Variants in BCAS3 observed in about 807,000 individuals in gnomAD.
BCAS3 encodes BCAS3 microtubule associated cell migration factor.
BCAS3 carries 53 observed loss-of-function variants against 116.1 expected under a neutral mutation model. The observed-to-expected ratio is 0.46, with a 90% CI of 0.37 to 0.57. BCAS3 has a LOEUF of 0.57. Among genes scored for constraint, BCAS3 ranks in the 20% least tolerant of loss-of-function variants. The pLI, the probability that BCAS3 is intolerant of heterozygous loss-of-function variation, is 0.00. For synonymous variants in BCAS3, 391 were observed against 408.2 expected, an observed-to-expected ratio of 0.96 and a Z score of 0.51; for missense variants, 917 against 1,165.4, an observed-to-expected ratio of 0.79 and a Z score of 3.10.
intron 5 of BCAS3, among the ~76,000 whole-genome samples, chr17:60,725,925 C>T (rs867383437): frequency 4.1e-4 from 62 of 151,892 alleles, no homozygotes; most frequent in African/African-American, 1.3e-3. Flanking sequence ...GACGGAGTTT[C>T]GCTCTTGTTG....
chr17:61,034,617 T>C lies in BCAS3; in HGVS notation c.1638-49T>C. The C allele has an allele frequency of 6.6e-7, 1 of 1,517,288 alleles. No individual in the cohort carries two copies. The highest frequency in any genetic ancestry group is 9.0e-7 in the Non-Finnish European group (1 of 1,106,382). The allele number at this position is 1,517,288 out of a possible 1,614,324, so 94.0% of individuals were successfully genotyped here. ...GAAAAACTGTCATTACCTAAAGGAG[T>C]ATCATTTCATCATGATAATTGTTTT... is the stretch of plus-strand genomic sequence containing the variant. On this transcript the variant is annotated intron_variant, in intron 16 of 23. Transcript: ENST00000407086. This position sits in a 1 kb window ranked among gnomAD's most constrained non-coding sequence, Gnocchi z 5.0.
intron 4 of BCAS3, among the ~76,000 whole-genome samples, chr17:60,700,173 C>CAAAAAAAAA (rs531616609): frequency 6.6e-5 from 8 of 121,596 alleles, no homozygotes; most frequent in African/African-American, 3.5e-4. Flanking sequence ...GACCCTGTCT[C>CAAAAAAAAA]AAAAAAAAAA....
At chr17:60,863,520 G>A (rs549900057) in intron 7 of BCAS3, among the ~76,000 whole-genome samples, 1 of 152,034 alleles carries the variant, frequency 6.6e-6, no homozygotes, top group Non-Finnish European at 1.5e-5. Context: ...GGTAAGGTGG[G>A]GGGCTTGCTT....
At chr17:61,133,881 A>AAAG (rs1260778120) in intron 22 of BCAS3, among the ~76,000 whole-genome samples, 3 of 151,400 alleles carry the variant, frequency 2.0e-5, no homozygotes, top group Non-Finnish European at 4.4e-5. Context: ...AAAAAAAAAA[A>AAAG]AGGAAACCCA....
intron 7 of BCAS3, chr17:60,851,572 A>G (rs1239024959): frequency 3.2e-6 from 2 of 625,168 alleles, no homozygotes; most frequent in African/African-American, 3.7e-5. Flanking sequence ...TTTCTACCCA[A>G]AACTTGGGTT....
Position 61,126,816 on chromosome 17 carries a change from A to T in BCAS3, c.2425+42252A>T, listed in dbSNP as rs76230811. On this transcript the variant is annotated intron_variant, in intron 22 of 23. Coordinates refer to ENST00000407086, the MANE Select transcript of BCAS3 (RefSeq NM_017679.5). This position sits in a 1 kb window ranked among gnomAD's most constrained non-coding sequence, Gnocchi z 4.6. ...TTTGGTCTCTCTTAACTCTTTCACG[A>T]CTAGGGGATTTTTCTTTGTGGGAAA... Among the ~76,000 whole-genome samples, 41 of 152,282 alleles carry T rather than the reference A, an allele frequency of 2.7e-4. No individual in the cohort carries two copies. In the East Asian group the frequency reaches 7.5e-3, roughly 28 times the overall value.
At chr17:60,969,323 TG>T (rs1288264689) in intron 14 of BCAS3, among the ~76,000 whole-genome samples, 1 of 152,182 alleles carries the variant, frequency 6.6e-6, no homozygotes, top group African/African-American at 2.4e-5. Flanking sequence ...AAGGAAAATA[TG>T]CTTCTTTTAA....
chr17:60,843,319 C>T (rs140767126), intron 7 of BCAS3, among the ~76,000 whole-genome samples: 139 of 151,458 alleles, frequency 9.2e-4, no homozygotes, highest in African/African-American at 3.2e-3. Flanking sequence ...CGTGTTCAAG[C>T]GATTCTTCTG....
chr17:60,776,753 CG>C, intron 6 of BCAS3, among the ~76,000 whole-genome samples: 1 of 149,790 alleles, frequency 6.7e-6, no homozygotes, highest in South Asian at 2.1e-4. Context: ...TGGTTGCTCA[CG>C]CATGTAATCC....
intron 10 of BCAS3, among the ~76,000 whole-genome samples, chr17:60,891,369 T>C (rs1168220088): frequency 6.6e-6 from 1 of 152,232 alleles, no homozygotes; most frequent in Non-Finnish European, 1.5e-5. Context: ...ACCAGTTGTT[T>C]TCCCTCTTCA....
chr17:61,156,379 A>G lies in BCAS3; in HGVS notation c.2425+71815A>G, dbSNP rs995155206. Among the ~76,000 whole-genome samples the G allele has an allele frequency of 6.6e-6, 1 of 152,074 alleles. No homozygotes were observed. Among genetic ancestry groups the G allele is most frequent in the Non-Finnish European group, 1.5e-5 (1 of 67,988 alleles). ...CGGGAGAAAGGTGGACTTTTGTTTT[A>G]TCTTGTTTCTTTTGGGGGAAACTTA... On this transcript the variant is annotated intron_variant, in intron 22 of 23. Coordinates refer to ENST00000407086, the MANE Select transcript of BCAS3 (RefSeq NM_017679.5). The surrounding 1 kb of genome is among the most constrained non-coding windows in gnomAD (Gnocchi z 4.7).
At chr17:61,048,107 G>A (rs996197692) in intron 19 of BCAS3, among the ~76,000 whole-genome samples, 5 of 151,898 alleles carry the variant, frequency 3.3e-5, no homozygotes, top group African/African-American at 1.2e-4. Context: ...AACTTTAAAA[G>A]GAATATGAGA....
intron 6 of BCAS3, among the ~76,000 whole-genome samples, chr17:60,761,437 A>G (rs182965520): frequency 7.4e-6 from 1 of 135,798 alleles, no homozygotes; most frequent in South Asian, 2.1e-4. Flanking sequence ...TGTTCCACCT[A>G]TGAGTGAGAA....
At position 61,124,868 on chromosome 17, in the gene BCAS3, T is replaced by A. The variant is rs923764171; in HGVS notation, c.2425+40304T>A. ...AGTGACAGAGAAATCCTTTGTTTATTCATTTAGTAGGCAGATTAACCCTAA... is the reference window on the plus strand; with the variant it reads ...AGTGACAGAGAAATCCTTTGTTTATACATTTAGTAGGCAGATTAACCCTAA... On this transcript the variant is annotated intron_variant, in intron 22 of 23. Transcript: ENST00000407086. This position sits in a 1 kb window ranked among gnomAD's most constrained non-coding sequence, Gnocchi z 4.6. Among the ~76,000 whole-genome samples the A allele has an allele frequency of 1.3e-5, 2 of 152,182 alleles. No homozygotes were observed. Among genetic ancestry groups the A allele is most frequent in the African/African-American group, 4.8e-5 (2 of 41,440 alleles).
rs901007781 is a variant in BCAS3, at chr17:61,031,191, A to C, written c.1638-3475A>C. On this transcript the variant is annotated intron_variant, in intron 16 of 23. Coordinates refer to ENST00000407086, the MANE Select transcript of BCAS3 (RefSeq NM_017679.5). ...ATGTTGAGAACAAGAGAGAAAAAAAAGGTTAGCATTGGAGTGCTTTCCTAT... is the reference window on the plus strand; with the variant it reads ...ATGTTGAGAACAAGAGAGAAAAAAACGGTTAGCATTGGAGTGCTTTCCTAT... Among the ~76,000 whole-genome samples, 48 of 152,174 alleles carry C rather than the reference A, an allele frequency of 3.2e-4. 1 individual carries two copies. The highest frequency in any genetic ancestry group is 1.1e-3 in the African/African-American group (46 of 41,556).
intron 22 of BCAS3, among the ~76,000 whole-genome samples, chr17:61,086,226 C>A (rs1192305982): frequency 6.6e-6 from 1 of 152,170 alleles, no homozygotes; most frequent in Non-Finnish European, 1.5e-5. Flanking sequence ...GTAGCTGAGA[C>A]TACAGGCACC....
intron 22 of BCAS3, among the ~76,000 whole-genome samples, chr17:61,231,096 A>G (rs981666548): frequency 2.0e-5 from 3 of 150,404 alleles, no homozygotes; most frequent in Admixed American, 6.7e-5. Flanking sequence ...GAGCTGCTGT[A>G]CCTGACCTGA....
At chr17:61,340,325 C>T (rs2057048163) in intron 22 of BCAS3, among the ~76,000 whole-genome samples, 1 of 111,460 alleles carries the variant, frequency 9.0e-6, no homozygotes, top group Non-Finnish European at 1.7e-5. Context: ...TGTGTATACA[C>T]AGATGCAGGG....
At chr17:60,858,767 T>A (rs1392335336) in intron 7 of BCAS3, among the ~76,000 whole-genome samples, 1 of 152,234 alleles carries the variant, frequency 6.6e-6, no homozygotes, top group African/African-American at 2.4e-5. Context: ...TACTAGTTTT[T>A]AAAATTTTAG....
Sources: gnomAD v4.1 joint callset for allele counts (sites outside exome capture counted in the v4.1 genomes callset) on GRCh38, gnomAD v4.1.1 for gene constraint, Gnocchi (gnomAD v3.1) non-coding constraint, MANE v1.5 for transcripts, NCBI Gene and HGNC (gene_info 2026-07-23, HGNC 2026-07-21) for gene names.